Variants in ANKS1B observed in about 807,000 individuals in gnomAD.
ANKS1B encodes the protein ankyrin repeat and sterile alpha motif domain-containing protein 1B.
In ANKS1B, 36 loss-of-function variants were observed where a neutral mutation model predicts 148.3. The ratio of observed to expected loss-of-function variants is 0.24; its 90% confidence interval spans 0.19 to 0.32. The LOEUF (loss-of-function observed/expected upper bound fraction) is 0.32. ANKS1B is among the 10% of genes least tolerant of loss of function. The pLI, the probability that ANKS1B is intolerant of heterozygous loss-of-function variation, is 1.00. For missense variants in ANKS1B, 1,157 were observed against 1,542.6 expected (o/e 0.75, Z 4.19); for synonymous variants, 542 against 560.8 (o/e 0.97, Z 0.47).
intron 1 of ANKS1B, among the ~76,000 whole-genome samples, chr12:99,914,148 G>T (rs2094097003): frequency 6.6e-6 from 1 of 152,160 alleles, no homozygotes; most frequent in African/African-American, 2.4e-5. Flanking sequence ...TTACACCAGG[G>T]TCTGCTTTTG....
chr12:99,080,459 A>C (rs2049311361), intron 16 of ANKS1B, among the ~76,000 whole-genome samples: 1 of 152,182 alleles, frequency 6.6e-6, no homozygotes, highest in East Asian at 1.9e-4. Flanking sequence ...GTATTATAAA[A>C]CTGGAAAGCA....
At chr12:98,735,018 C>T (rs545187407) in exon 10 of ANKS1B, 3 of 389,578 alleles carry the variant, frequency 7.7e-6, no homozygotes, top group Non-Finnish European at 1.4e-5. Flanking sequence ...GAGGCTAAGA[C>T]AGGAGGATTC....
intron 12 of ANKS1B, among the ~76,000 whole-genome samples, chr12:99,280,203 T>A (rs1237125804): frequency 1.3e-5 from 2 of 150,886 alleles, no homozygotes; most frequent in African/African-American, 2.4e-5. Flanking sequence ...TGTGTGTGTG[T>A]GAGAGAGAGA....
intron 9 of ANKS1B, among the ~76,000 whole-genome samples, chr12:99,616,196 G>C (rs565595028): frequency 2.9e-4 from 44 of 152,122 alleles, no homozygotes; most frequent in African/African-American, 1.0e-3. Flanking sequence ...AATCAATATC[G>C]TGAAAATAGC....
rs1380868355 is a variant in ANKS1B, at chr12:98,880,252, T to A, written c.2779-48116A>T. Among the ~76,000 whole-genome samples, 4 of 152,148 alleles carry A rather than the reference T, an allele frequency of 2.6e-5. No individual in the cohort carries two copies. The East Asian group carries it at 7.7e-4, about 29-fold the overall frequency. ...TTTCTCTACAGGAGACAGGCTCAGG[T>A]ATCAAGAGGAAAACAAATATTCATT... On this transcript the variant is annotated intron_variant, in intron 17 of 26. Coordinates refer to ENST00000683438, the MANE Select transcript of ANKS1B (RefSeq NM_001352186.2).
intron 9 of ANKS1B, among the ~76,000 whole-genome samples, chr12:99,629,018 C>T (rs890322290): frequency 6.6e-6 from 1 of 152,074 alleles, no homozygotes; most frequent in Non-Finnish European, 1.5e-5. Context: ...AACAAAAATC[C>T]ATCCTACCAC....
At chr12:98,926,589 C>G (rs1254922248) in intron 17 of ANKS1B, among the ~76,000 whole-genome samples, 1 of 152,006 alleles carries the variant, frequency 6.6e-6, no homozygotes, top group Non-Finnish European at 1.5e-5. Flanking sequence ...GACTTTAAAC[C>G]ATCTATCATA....
intron 9 of ANKS1B, among the ~76,000 whole-genome samples, chr12:99,505,781 T>C (rs902175549): frequency 2.6e-5 from 4 of 151,850 alleles, no homozygotes; most frequent in Admixed American, 6.6e-5. Flanking sequence ...TCATATTTTA[T>C]TTTTGCTACA....
rs2057783387 is a variant in ANKS1B at position 99,719,134 on chromosome 12, C to T, written c.1128+53788G>A. ...GACCTTACTGTTTTAGCCTAGCCCT[C>T]ATGTCTGCGTGCAGCGGCTGCCGCT... is the stretch of plus-strand genomic sequence containing the variant. On this transcript the variant is annotated intron_variant, in intron 8 of 26. Transcript: ENST00000683438. Among the ~76,000 whole-genome samples, 3 of 152,294 alleles carry T rather than the reference C, an allele frequency of 2.0e-5. No homozygotes were observed. In the South Asian group the frequency reaches 6.2e-4, roughly 32 times the overall value.
chr12:99,928,736 T>A (rs79783031), intron 1 of ANKS1B, among the ~76,000 whole-genome samples: 2,977 of 152,326 alleles, frequency 0.02, 111 homozygotes, highest in African/African-American at 0.067. Flanking sequence ...AACACACATA[T>A]ACACTTCAAA....
intron 17 of ANKS1B, among the ~76,000 whole-genome samples, chr12:99,037,548 C>G (rs1172071023): frequency 6.6e-6 from 1 of 151,868 alleles, no homozygotes; most frequent in African/African-American, 2.4e-5. Flanking sequence ...GGTTGGTGAA[C>G]TGAATTTTAT....
Position 99,504,561 on chromosome 12 carries a change from C to A in ANKS1B, c.1353G>T (p.Glu451Asp). 1.2e-6 allele frequency: 2 copies of A among 1,612,688 alleles called. No individual in the cohort carries two copies. Among genetic ancestry groups the A allele is most frequent in the South Asian group, 1.1e-5 (1 of 90,956 alleles). ...ASLDTFPSEN[E>D]NFLCDLMDTA... ...TGTCCATGAGATCACACAGAAAGTT[C>A]TCATTTTCTGAAGGAAATGTATCCA... The change falls in exon 10 of 27, where the codon GAG (glutamate) becomes GAT (aspartate). Residue 451 changes from glutamate (E) to aspartate (D), a missense_variant. Transcript: ENST00000683438.
At chr12:99,318,578 T>A (rs996562379) in intron 12 of ANKS1B, among the ~76,000 whole-genome samples, 4 of 152,206 alleles carry the variant, frequency 2.6e-5, no homozygotes, top group Middle Eastern at 3.2e-3. Context: ...ATTATTAGTC[T>A]TGCTAGTGGT....
intron 1 of ANKS1B, among the ~76,000 whole-genome samples, chr12:99,880,422 C>T (rs769396611): frequency 2.0e-5 from 3 of 152,170 alleles, no homozygotes; most frequent in African/African-American, 4.8e-5. Context: ...CAATACACAG[C>T]CCAAGGATAG....
At chr12:99,004,656 G>T (rs1044767314) in intron 17 of ANKS1B, among the ~76,000 whole-genome samples, 1 of 151,926 alleles carries the variant, frequency 6.6e-6, no homozygotes, top group Admixed American at 6.6e-5. Flanking sequence ...GTGGAGCCAG[G>T]TGGGTGCTGG....
chr12:99,369,495 G>A (rs2092963757), intron 12 of ANKS1B, among the ~76,000 whole-genome samples: 2 of 152,090 alleles, frequency 1.3e-5, no homozygotes, highest in Admixed American at 1.3e-4. Flanking sequence ...TGAAAAAGCA[G>A]CTGCAAGGTC....
intron 1 of ANKS1B, among the ~76,000 whole-genome samples, chr12:99,901,297 AAAT>A (rs2093590580): frequency 1.3e-5 from 2 of 152,242 alleles, no homozygotes; most frequent in Admixed American, 1.3e-4. Flanking sequence ...ATTAAGTAGA[AAAT>A]ATTATCATAT....
intron 24 of ANKS1B, among the ~76,000 whole-genome samples, chr12:98,780,448 G>A (rs2098723356): frequency 6.6e-6 from 1 of 152,130 alleles, no homozygotes; most frequent in Non-Finnish European, 1.5e-5. Flanking sequence ...TGCTTTTTCA[G>A]TAAAATGCAA....
intron 17 of ANKS1B, among the ~76,000 whole-genome samples, chr12:98,983,893 T>C (rs968562951): frequency 3.3e-5 from 5 of 152,380 alleles, no homozygotes; most frequent in Admixed American, 1.3e-4. Flanking sequence ...GTCAACTTTC[T>C]TTTTTCATAA....
Sources: gnomAD v4.1 joint callset for allele counts (sites outside exome capture counted in the v4.1 genomes callset) on GRCh38, gnomAD v4.1.1 for gene constraint, MANE v1.5 for transcripts, NCBI Gene and HGNC (gene_info 2026-07-23, HGNC 2026-07-21) for gene names.